The following MCF2L2 variants were observed in gnomAD, a reference collection of about 807,000 sequenced individuals.
MCF2L2 encodes the protein probable guanine nucleotide exchange factor MCF2L2.
MCF2L2 carries 102 observed loss-of-function variants against 150.2 expected under a neutral mutation model. That is an observed-to-expected ratio of 0.68 (90% CI 0.58 to 0.80). The LOEUF (loss-of-function observed/expected upper bound fraction) is 0.80, where lower values mean the gene tolerates loss of function less well. MCF2L2 is among the 30% of genes least tolerant of loss of function. MCF2L2 has a pLI of 0.00. For synonymous variants in MCF2L2, 465 were observed against 491.3 expected (o/e 0.95, Z 0.71); for missense variants, 1,256 against 1,372.8 (o/e 0.91, Z 1.34).
intron 20 of MCF2L2, among the ~76,000 whole-genome samples, chr3:183,222,740 C>T (rs1723193017): frequency 1.3e-5 from 2 of 152,116 alleles, no homozygotes; most frequent in South Asian, 2.1e-4. Context: ...TTCTCTCAAG[C>T]TCACACCTAG....
chr3:183,345,692 A>G (rs1730871037), intron 3 of MCF2L2, among the ~76,000 whole-genome samples: 1 of 152,230 alleles, frequency 6.6e-6, no homozygotes, highest in East Asian at 1.9e-4. Context: ...TGAAGAAGAA[A>G]AGAGAGAAGA....
intron 15 of MCF2L2, among the ~76,000 whole-genome samples, chr3:183,274,367 C>T (rs930086559): frequency 9.2e-5 from 14 of 152,186 alleles, no homozygotes; most frequent in African/African-American, 3.4e-4. Context: ...ACACGGTTAG[C>T]TGTCTGAAAT....
intron 15 of MCF2L2, chr3:183,254,164 TGGA>T (rs1225399497): frequency 6.6e-6 from 1 of 151,744 alleles, no homozygotes; most frequent in African/African-American, 2.4e-5. Context: ...GCGAGGTCTC[TGGA>T]GGAGAAGAGT....
chr3:183,207,868 G>T, intron 22 of MCF2L2, 45 bp from the exon 23 acceptor site: 2 of 1,455,920 alleles, frequency 1.4e-6, no homozygotes. Flanking sequence ...AAAATTACTT[G>T]ACAGAGAAAG....
rs562983048 is a variant in MCF2L2 at position 183,361,538 on chromosome 3, G to A, written c.275+17759C>T. On this transcript the variant is annotated intron_variant, in intron 3 of 29. Coordinates refer to ENST00000328913, the MANE Select transcript of MCF2L2 (RefSeq NM_015078.4). ...ATCACTCTCTCTCTCCTGCCGCCATGGTAAGGCATGCTTGCTTCCCCTTCG... is the reference window on the plus strand; with the variant it reads ...ATCACTCTCTCTCTCCTGCCGCCATAGTAAGGCATGCTTGCTTCCCCTTCG... 1.1e-4 allele frequency among the ~76,000 whole-genome samples: 16 copies of A among 152,248 alleles called. No individual in the cohort carries two copies. In the East Asian group the frequency reaches 3.1e-3, roughly 29 times the overall value.
At chr3:183,214,752 G>A (rs557698305) in intron 22 of MCF2L2, among the ~76,000 whole-genome samples, 25 of 151,774 alleles carry the variant, frequency 1.6e-4, no homozygotes, top group South Asian at 6.3e-4. Context: ...TTTGGGAGGC[G>A]GAGATGGGTG....
In MCF2L2 at chr3:183,326,347, C is replaced by T. The variant is rs544547349; in HGVS notation, c.487-2996G>A. On this transcript the variant is annotated intron_variant, in intron 5 of 29. Coordinates refer to ENST00000328913, the MANE Select transcript of MCF2L2 (RefSeq NM_015078.4). ...TCTCTACTAAAAATACAAAAATTAG[C>T]CGGGCATGGTGGTGGGTGCCTGTAA... Among the ~76,000 whole-genome samples the T allele has an allele frequency of 1.3e-4, 19 of 151,896 alleles. 1 individual carries two copies. In the South Asian group the frequency reaches 3.7e-3, roughly 30 times the overall value.
intron 1 of MCF2L2, among the ~76,000 whole-genome samples, chr3:183,416,976 G>A (rs1245310772): frequency 6.6e-6 from 1 of 151,546 alleles, no homozygotes; most frequent in South Asian, 2.1e-4. Context: ...GCTTGGCGTG[G>A]TGGGGCGTGC....
At chr3:183,302,843 T>C (rs926081163) in intron 10 of MCF2L2, among the ~76,000 whole-genome samples, 2 of 152,136 alleles carry the variant, frequency 1.3e-5, no homozygotes, top group Non-Finnish European at 2.9e-5. Flanking sequence ...ACACTTTAAT[T>C]CTTTAACAGC....
chr3:183,414,656 T>C (rs4859117), intron 1 of MCF2L2, among the ~76,000 whole-genome samples: 76,032 of 151,932 alleles, frequency 0.5, 19,945 homozygotes, highest in African/African-American at 0.67. Context: ...GGGTTATTGA[T>C]TTGAGATCTT....
chr3:183,355,674 G>C (rs1179133410), intron 3 of MCF2L2, among the ~76,000 whole-genome samples: 2 of 137,274 alleles, frequency 1.5e-5, no homozygotes, highest in Non-Finnish European at 3.0e-5. Context: ...CACCGTGTTA[G>C]CCAGGATGGT....
In MCF2L2 at chr3:183,402,357, G is replaced by A. The variant is rs1255752701; in HGVS notation, c.77-12578C>T. Among the ~76,000 whole-genome samples the A allele has an allele frequency of 8.0e-5, 12 of 150,448 alleles. No individual in the cohort carries two copies. In the East Asian group the frequency reaches 2.0e-3, roughly 25 times the overall value. ...TAGTCCCAGCTACTCGGGAGGTTGAGGCAGGAGAATGGCGTGACCTCGGGA... is the reference window on the plus strand; with the variant it reads ...TAGTCCCAGCTACTCGGGAGGTTGAAGCAGGAGAATGGCGTGACCTCGGGA... On this transcript the variant is annotated intron_variant, in intron 1 of 29. Coordinates refer to ENST00000328913, the MANE Select transcript of MCF2L2 (RefSeq NM_015078.4).
At chr3:183,233,481 G>A (rs1723657581) in intron 15 of MCF2L2, among the ~76,000 whole-genome samples, 1 of 152,012 alleles carries the variant, frequency 6.6e-6, no homozygotes, top group Non-Finnish European at 1.5e-5. Context: ...TAAAAAGAAT[G>A]AGGCTGACTA....
At chr3:183,375,067 T>G (rs772435457) in intron 3 of MCF2L2, 1 of 149,626 alleles carries the variant, frequency 6.7e-6, no homozygotes. Context: ...CAATATATGT[T>G]TTCAAAAAAT....
At chr3:183,409,552 T>TTTTTC in intron 1 of MCF2L2, among the ~76,000 whole-genome samples, 1 of 61,860 alleles carries the variant, frequency 1.6e-5, no homozygotes. Flanking sequence ...CTAAAATTTC[T>TTTTTC]TTTTTTTTTT....
At chr3:183,408,391 T>C (rs1715150744) in intron 1 of MCF2L2, among the ~76,000 whole-genome samples, 1 of 152,178 alleles carries the variant, frequency 6.6e-6, no homozygotes, top group Non-Finnish European at 1.5e-5. Context: ...CAGAAGGACA[T>C]TCCTTCATTC....
rs1311324397 is a variant in MCF2L2, at chr3:183,379,382, T to C, written c.190A>G (p.Ile64Val). Residue 64 changes from isoleucine (I) to valine (V), a missense_variant, in exon 3 of 30, where the codon ATC becomes GTC. Transcript: ENST00000328913. ...AACCCCGAAAACTCTGGGAACGTGA[T>C]GATGGGGGCGCCATCCTCCCCTCGG... ...GGRGEDGAPI[I>V]TFPEFSGFKH... The C allele has an allele frequency of 3.7e-6, 6 of 1,610,776 alleles. No individual in the cohort carries two copies. The highest frequency in any genetic ancestry group is 1.7e-4 in the Middle Eastern group (1 of 6,058).
intron 15 of MCF2L2, among the ~76,000 whole-genome samples, chr3:183,241,333 A>G (rs747179402): frequency 6.6e-6 from 1 of 152,166 alleles, no homozygotes; most frequent in Non-Finnish European, 1.5e-5. Flanking sequence ...GTACTGGCAA[A>G]TTCTTTGGTG....
chr3:183,386,487 G>A (rs939232901), intron 2 of MCF2L2, among the ~76,000 whole-genome samples: 6 of 152,240 alleles, frequency 3.9e-5, no homozygotes, highest in Non-Finnish European at 7.3e-5. Flanking sequence ...TCTACCAGCC[G>A]TGGGAACACA....
Sources: allele counts gnomAD v4.1 joint callset (sites outside exome capture counted in the v4.1 genomes callset), GRCh38; gene constraint gnomAD v4.1.1; transcripts MANE v1.5; gene names NCBI Gene and HGNC (gene_info 2026-07-23, HGNC 2026-07-21).